The following SPATA31E1 variants were observed in gnomAD, a reference collection of about 807,000 sequenced individuals.
SPATA31E1 encodes SPATA31 subfamily E member 1.
SPATA31E1 carries 7 observed loss-of-function variants against 12.9 expected under a neutral mutation model. The observed-to-expected ratio is 0.54, with a 90% CI of 0.31 to 1.02. SPATA31E1 has a LOEUF of 1.02. SPATA31E1 is among the 50% of genes least tolerant of loss of function. The probability of loss-of-function intolerance (pLI) is 0.05; values close to 1 mark genes in which losing one functional copy is unlikely to be tolerated. For synonymous variants in SPATA31E1, 771 were observed against 719.0 expected, an observed-to-expected ratio of 1.07 and a Z score of -1.16; for missense variants, 1,961 against 1,799.8, an observed-to-expected ratio of 1.09 and a Z score of -1.62.
intron 1 of SPATA31E1, 38 bp downstream of exon 1, chr9:87,883,238 C>A (rs758466591): frequency 9.8e-6 from 15 of 1,536,928 alleles, no homozygotes; most frequent in South Asian, 7.3e-5. Flanking sequence ...GAGAAAGATT[C>A]TCTCTTCTTT....
chr9:87,887,512 G>A lies in SPATA31E1; in HGVS notation c.3025G>A (p.Gly1009Arg), dbSNP rs1436314922. The change falls in exon 4 of 4, where the codon GGA becomes AGA. Residue 1009 changes from glycine to arginine, a missense_variant. By Grantham distance (125) the Gly-to-Arg change is moderately radical. Coordinates refer to ENST00000325643, the MANE Select transcript of SPATA31E1 (RefSeq NM_178828.5). ...AWLESESMSP[G>R]DPCSSRALQV... Reference sequence around the variant, plus strand: ...GCTTGAGAGTGAGAGCATGTCCCCAGGAGACCCCTGTAGTAGCAGAGCCCT... The same window carrying A: ...GCTTGAGAGTGAGAGCATGTCCCCAAGAGACCCCTGTAGTAGCAGAGCCCT... 3.7e-6 allele frequency: 6 copies of A among 1,614,026 alleles called. No individual in the cohort carries two copies. Among genetic ancestry groups the A allele is most frequent in the African/African-American group, 2.7e-5 (2 of 75,060 alleles).
intron 1 of SPATA31E1, 54 bp from the exon 2 acceptor site, chr9:87,883,938 G>T: frequency 6.4e-7 from 1 of 1,561,276 alleles, no homozygotes; most frequent in South Asian, 1.2e-5. Context: ...CAGCTGGTCT[G>T]GGGAGAGGAG....
rs1432747771 is a variant in SPATA31E1 at position 87,885,092 on chromosome 9, T to C, written c.605T>C (p.Leu202Pro). The C allele has an allele frequency of 1.1e-5, 17 of 1,614,148 alleles. No individual in the cohort carries two copies. Among genetic ancestry groups the C allele is most frequent in the Non-Finnish European group, 1.4e-5 (17 of 1,180,006 alleles). Residue 202 changes from leucine (L) to proline (P), a missense_variant, in exon 4 of 4, where the codon CTG (leucine) becomes CCG (proline). By Grantham distance (98) the Leu-to-Pro change is moderately conservative (BLOSUM62 -3). Transcript: ENST00000325643. ...CCCCCAGCTCCTCTGGCCTCCACCC[T>C]GTCACCAGGCCCGATGACCTTCTCA... ...PAPPAPLAST[L>P]SPGPMTFSEP...
rs200684529 is a variant in SPATA31E1 at position 87,885,436 on chromosome 9, G to A, written c.949G>A (p.Gly317Ser). The A allele has an allele frequency of 1.2e-6, 2 of 1,613,884 alleles. No individual in the cohort carries two copies. The highest frequency in any genetic ancestry group is 1.7e-6 in the Non-Finnish European group (2 of 1,179,962). ...CTGGAGGGAGGCTGCCACCACCTGG[G>A]GCCTCTCCACCTACTCACATGGCAA... Reference protein sequence around the residue: ...YCWREAATTWGLSTYSHGKSQ... With the variant: ...YCWREAATTWSLSTYSHGKSQ... The change falls in exon 4 of 4, where the codon GGC becomes AGC. Residue 317 changes from glycine to serine, a missense_variant. By Grantham distance (56) the Gly-to-Ser change is moderately conservative (BLOSUM62 0). Transcript: ENST00000325643.
rs1474379864 is a variant in SPATA31E1 at position 87,884,057 on chromosome 9, G to C, written c.364+11G>C. On this transcript the variant is annotated intron_variant, in intron 2 of 3. Transcript: ENST00000325643. ...TCTCAGCTCTGAAAGGTGAGGCTCT[G>C]CTGCCCCCCGGGACTCCCCAGAGGT... The C allele has an allele frequency of 1.3e-6, 2 of 1,592,248 alleles. No individual in the cohort carries two copies. The highest frequency in any genetic ancestry group is 1.7e-6 in the Non-Finnish European group (2 of 1,167,580).
rs1263524455 is a variant in SPATA31E1, at chr9:87,886,301, C to T, written c.1814C>T (p.Ala605Val). The change falls in exon 4 of 4, where the codon GCC (alanine) becomes GTC (valine). Residue 605 changes from alanine to valine, a missense_variant. Transcript: ENST00000325643. ...GCCCACCTTCCCCAAGAGAGGCCGG[C>T]CTCCTGGAGCCCCAAGTCAGCCCCC... ...PTAHLPQERPASWSPKSAPIL... is the reference protein window; with the variant it reads ...PTAHLPQERPVSWSPKSAPIL... 1.2e-6 allele frequency: 2 copies of T among 1,613,602 alleles called. No homozygotes were observed. The highest frequency in any genetic ancestry group is 2.2e-5 in the East Asian group (1 of 44,876).
chr9:87,884,526 A>T, intron 2 of SPATA31E1, 65 bp from the exon 3 acceptor site: 1 of 1,569,368 alleles, frequency 6.4e-7, no homozygotes. Context: ...AAAGACATCC[A>T]CTCAGCCTCC....
rs557769769 is a variant in SPATA31E1, at chr9:87,884,980, G to A, written c.493G>A (p.Val165Met). Residue 165 changes from valine to methionine, a missense_variant, in exon 4 of 4, where the codon GTG becomes ATG. Transcript: ENST00000325643. ...CTTAGGTGGAGACCCCCTGGGGGAC[G>A]TGTGTAAACCAGTGCCTGCTAAGGC... ...LPLGGDPLGD[V>M]CKPVPAKAHQ... 4.8e-5 allele frequency: 77 copies of A among 1,614,094 alleles called. No individual in the cohort carries two copies. The highest frequency in any genetic ancestry group is 1.1e-4 in the South Asian group (10 of 91,088).
At position 87,887,090 on chromosome 9, in the gene SPATA31E1, C is replaced by A; in HGVS notation, c.2603C>A (p.Pro868Gln). ...GTCTGGTCAGGTGAGGCTCAGGCCC[C>A]GCCCTTCCCACAATCCACCTTTACC... ...INVWSGEAQA[P>Q]PFPQSTFTPW... The change falls in exon 4 of 4, where the codon CCG becomes CAG. Residue 868 changes from proline (P) to glutamine (Q), a missense_variant. Pro to Gln is a moderately conservative substitution (Grantham distance 76). Transcript: ENST00000325643. 3.1e-6 allele frequency: 5 copies of A among 1,614,074 alleles called. No homozygotes were observed. Among genetic ancestry groups the A allele is most frequent in the Non-Finnish European group, 4.2e-6 (5 of 1,180,010 alleles).
rs147662598 is a variant in SPATA31E1 at position 87,888,022 on chromosome 9, G to A, written c.3535G>A (p.Gly1179Arg). 44 of 1,612,238 alleles carry A rather than the reference G, an allele frequency of 2.7e-5. No homozygotes were observed. The highest frequency in any genetic ancestry group is 2.3e-5 in the Non-Finnish European group (27 of 1,179,512). The change falls in exon 4 of 4, where the codon GGG becomes AGG. Residue 1179 changes from glycine (G) to arginine (R), a missense_variant. By Grantham distance (125) the Gly-to-Arg change is moderately radical. Coordinates refer to ENST00000325643, the MANE Select transcript of SPATA31E1 (RefSeq NM_178828.5). The part of the protein sequence containing the change: ...ALLWKGGDSP[G>R]QQEPGSPKAK... ...CCTATGGAAGGGAGGGGACAGTCCA[G>A]GGCAGCAGGAGCCTGGGAGCCCAAA...
At position 87,883,201 on chromosome 9, in the gene SPATA31E1, G is replaced by A; in HGVS notation, c.309+1G>A. The A allele has an allele frequency of 1.3e-6, 2 of 1,572,782 alleles. No homozygotes were observed. Among genetic ancestry groups the A allele is most frequent in the African/African-American group, 1.3e-5 (1 of 74,206 alleles). ...CGGGAGGAAGAGGAGCAGCAGGGAG[G>A]TAAGGAGTCCTCAGCCCAGCCCCAC... On this transcript the variant is annotated splice_donor_variant, in intron 1 of 3. Coordinates refer to ENST00000325643, the MANE Select transcript of SPATA31E1 (RefSeq NM_178828.5). LOFTEE classifies it high-confidence loss of function.
At chr9:87,883,951 T>A in intron 1 of SPATA31E1, 41 bp from the exon 2 acceptor site, 1 of 1,579,230 alleles carries the variant, frequency 6.3e-7, no homozygotes. Context: ...GAGAGGAGAC[T>A]GAGAACTGGT....
rs1444467642 is a variant in SPATA31E1 at position 87,886,563 on chromosome 9, G to C, written c.2076G>C (p.Gln692His). Reference protein sequence around the residue: ...DFAGKGRKDVQKTGFRSSGRF... With the variant: ...DFAGKGRKDVHKTGFRSSGRF... The stretch of plus-strand genomic sequence containing the variant: ...CAGGGAAGGGCAGGAAGGATGTGCA[G>C]AAGACCGGGTTCAGGAGCTCCGGAA... The change falls in exon 4 of 4, where the codon CAG (glutamine) becomes CAC (histidine). Residue 692 changes from glutamine to histidine, a missense_variant. Coordinates refer to ENST00000325643, the MANE Select transcript of SPATA31E1 (RefSeq NM_178828.5). 3.7e-6 allele frequency: 6 copies of C among 1,614,116 alleles called. No homozygotes were observed. The highest frequency in any genetic ancestry group is 5.1e-6 in the Non-Finnish European group (6 of 1,180,036).
Position 87,887,979 on chromosome 9 carries a change from C to T in SPATA31E1, c.3492C>T (p.Ser1164=). 6.2e-7 allele frequency: 1 copy of T among 1,613,780 alleles called. No individual in the cohort carries two copies. The highest frequency in any genetic ancestry group is 8.5e-7 in the Non-Finnish European group (1 of 1,180,012). The part of the protein sequence containing the change: ...QSVSGKNMTA[S]QGPCALLWKG... ...TGTCTGGTAAGAACATGACAGCTTC[C>T]CAGGGGCCATGTGCCCTCCTATGGA... is the stretch of plus-strand genomic sequence containing the variant. The change falls in exon 4 of 4, where the codon TCC becomes TCT. Residue 1164 remains serine (S), a synonymous_variant. Transcript: ENST00000325643.
Position 87,887,844 on chromosome 9 carries a change from C to T in SPATA31E1, c.3357C>T (p.Ile1119=), listed in dbSNP as rs1177596500. The change falls in exon 4 of 4, where the codon ATC becomes ATT. Residue 1119 remains isoleucine (I), a synonymous_variant. Coordinates refer to ENST00000325643, the MANE Select transcript of SPATA31E1 (RefSeq NM_178828.5). ...AGCTGCCAGGCCGTGCCCCGGGCAT[C>T]CTCCTCCAGGACGGCGCCACAGGCC... is the stretch of plus-strand genomic sequence containing the variant. ...EEQLPGRAPG[I]LLQDGATGLC... 1.2e-6 allele frequency: 2 copies of T among 1,613,776 alleles called. No homozygotes were observed. Among genetic ancestry groups the T allele is most frequent in the South Asian group, 1.1e-5 (1 of 91,090 alleles).
Position 87,887,288 on chromosome 9 carries a change from C to T in SPATA31E1, c.2801C>T (p.Pro934Leu), listed in dbSNP as rs754518582. The change falls in exon 4 of 4, where the codon CCG becomes CTG. Residue 934 changes from proline to leucine, a missense_variant. Physicochemically the swap from Pro to Leu is moderately conservative, Grantham distance 98 (BLOSUM62 -3). Transcript: ENST00000325643. Reference sequence around the variant, plus strand: ...GAGCAGGAGGGAGTCCAGAGGCCCCCGAGAGGGTCCCAGTCAGCTGATACC... The same window carrying T: ...GAGCAGGAGGGAGTCCAGAGGCCCCTGAGAGGGTCCCAGTCAGCTGATACC... The part of the protein sequence containing the change: ...PPEQEGVQRP[P>L]RGSQSADTHG... The T allele has an allele frequency of 7.4e-6, 12 of 1,613,808 alleles. No homozygotes were observed. Among genetic ancestry groups the T allele is most frequent in the South Asian group, 2.2e-5 (2 of 91,062 alleles).
Position 87,886,204 on chromosome 9 carries a change from A to C in SPATA31E1, c.1717A>C (p.Lys573Gln), listed in dbSNP as rs373666503. ...GGAGTATCTTGAATGGCCCTTGAAG[A>C]AGCGACCAAAGTGGAAGAGGGTTTT... is the stretch of plus-strand genomic sequence containing the variant. The part of the protein sequence containing the change: ...GKEYLEWPLK[K>Q]RPKWKRVLPS... The change falls in exon 4 of 4, where the codon AAG becomes CAG. Residue 573 changes from lysine (K) to glutamine (Q), a missense_variant. Coordinates refer to ENST00000325643, the MANE Select transcript of SPATA31E1 (RefSeq NM_178828.5). 5.0e-6 allele frequency: 8 copies of C among 1,613,142 alleles called. No homozygotes were observed. The African/African-American group carries it at 6.7e-5, about 13-fold the overall frequency.
rs779840886 is a variant in SPATA31E1, at chr9:87,884,899, C to G, written c.426-14C>G. 1 of 1,594,786 alleles carries G rather than the reference C, an allele frequency of 6.3e-7. No homozygotes were observed. Among genetic ancestry groups the G allele is most frequent in the African/African-American group, 1.3e-5 (1 of 74,742 alleles). On this transcript the variant is annotated splice_polypyrimidine_tract_variant and intron_variant, in intron 3 of 3. Coordinates refer to ENST00000325643, the MANE Select transcript of SPATA31E1 (RefSeq NM_178828.5). ...CTACCCCTGGCTGCAGCTTGTGCCT[C>G]TTGTCTCCTGCAGCCACCTGAGGAA...
rs765625551 is a variant in SPATA31E1, at chr9:87,884,063, C to T, written c.364+17C>T. 2 of 1,584,462 alleles carry T rather than the reference C, an allele frequency of 1.3e-6. No homozygotes were observed. The highest frequency in any genetic ancestry group is 1.7e-5 in the Admixed American group (1 of 57,260). On this transcript the variant is annotated intron_variant, in intron 2 of 3. Coordinates refer to ENST00000325643, the MANE Select transcript of SPATA31E1 (RefSeq NM_178828.5). ...CTCTGAAAGGTGAGGCTCTGCTGCC[C>T]CCCGGGACTCCCCAGAGGTAACTGA...
Sources: gnomAD v4.1 joint callset for allele counts on GRCh38, gnomAD v4.1.1 for gene constraint, MANE v1.5 for transcripts, NCBI Gene and HGNC (gene_info 2026-07-23, HGNC 2026-07-21) for gene names.